Variants in SHANK2 observed in about 807,000 individuals in gnomAD.
SHANK2 encodes the protein SH3 and multiple ankyrin repeat domains protein 2.
Under a neutral mutation model 133.7 loss-of-function variants are expected in SHANK2, and 43 were observed. That is an observed-to-expected ratio of 0.32 (90% CI 0.25 to 0.41). SHANK2 has a LOEUF of 0.41. SHANK2 is among the 10% of genes least tolerant of loss of function. The probability of loss-of-function intolerance (pLI) is 1.00; values close to 1 mark genes in which losing one functional copy is unlikely to be tolerated. For synonymous variants in SHANK2, 1,017 were observed against 952.8 expected, an observed-to-expected ratio of 1.07 and a Z score of -1.24; for missense variants, 1,994 against 2,235.8, an observed-to-expected ratio of 0.89 and a Z score of 2.18.
chr11:70,678,098 A>G (rs1451812088), intron 15 of SHANK2, among the ~76,000 whole-genome samples: 6 of 152,056 alleles, frequency 3.9e-5, no homozygotes, highest in African/African-American at 1.4e-4. Flanking sequence ...CCCATTCTCC[A>G]GGACTTCCTG....
At chr11:70,478,100 A>C (rs545256076) in intron 25 of SHANK2, among the ~76,000 whole-genome samples, 26 of 152,326 alleles carry the variant, frequency 1.7e-4, no homozygotes, top group African/African-American at 6.3e-4. Context: ...CTCTTATTTC[A>C]TCAGTCAGTA....
At chr11:70,665,495 A>G (rs1944662591) in intron 15 of SHANK2, among the ~76,000 whole-genome samples, 1 of 152,116 alleles carries the variant, frequency 6.6e-6, no homozygotes, top group African/African-American at 2.4e-5. Context: ...TTGCCCCAAG[A>G]CTGTAATGGC....
intron 2 of SHANK2, among the ~76,000 whole-genome samples, chr11:71,184,555 CA>C (rs1953633864): frequency 6.6e-6 from 1 of 152,170 alleles, no homozygotes; most frequent in South Asian, 2.1e-4. Flanking sequence ...TGTAGAACTG[CA>C]GGTGCCCACG....
chr11:70,711,721 C>T (rs946037354), intron 14 of SHANK2, among the ~76,000 whole-genome samples: 6 of 152,244 alleles, frequency 3.9e-5, no homozygotes, highest in Non-Finnish European at 8.8e-5. Context: ...AACTGAGAGG[C>T]ACAGAGCTTT....
intron 12 of SHANK2, among the ~76,000 whole-genome samples, chr11:70,817,803 C>G (rs180674683): frequency 6.6e-6 from 1 of 152,224 alleles, no homozygotes; most frequent in East Asian, 1.9e-4. Flanking sequence ...GGTGCCATCT[C>G]AGCTCACTGC....
chr11:70,631,851 C>T (rs1555002324), intron 17 of SHANK2: 2 of 152,272 alleles, frequency 1.3e-5, no homozygotes, highest in Non-Finnish European at 2.9e-5. Context: ...GTAATTGGAT[C>T]ACGCCCGGCC....
intron 14 of SHANK2, among the ~76,000 whole-genome samples, chr11:70,734,997 G>A (rs1484327780): frequency 3.3e-5 from 5 of 152,194 alleles, no homozygotes; most frequent in African/African-American, 7.2e-5. Flanking sequence ...AGGCCTCGGC[G>A]GCTGTAGCAC....
chr11:70,873,066 G>A (rs577272214), intron 11 of SHANK2: 17 of 471,356 alleles, frequency 3.6e-5, no homozygotes, highest in African/African-American at 1.2e-4. Flanking sequence ...TCTGCCTCCC[G>A]GGTGGCGACC....
intron 3 of SHANK2, among the ~76,000 whole-genome samples, chr11:71,140,980 T>G (rs1455555681): frequency 1.3e-5 from 2 of 152,222 alleles, no homozygotes; most frequent in Non-Finnish European, 2.9e-5. Context: ...CAAGGCTGGG[T>G]GTCCCCAGGA....
intron 2 of SHANK2, among the ~76,000 whole-genome samples, chr11:71,215,171 C>T (rs1417394396): frequency 1.3e-5 from 2 of 152,160 alleles, no homozygotes; most frequent in African/African-American, 2.4e-5. Flanking sequence ...TAATGCCATC[C>T]GAGTGCTGGA....
At chr11:70,741,532 A>T (rs978039002) in intron 14 of SHANK2, among the ~76,000 whole-genome samples, 2 of 152,058 alleles carry the variant, frequency 1.3e-5, no homozygotes, top group African/African-American at 2.4e-5. Context: ...CTCACTGAGT[A>T]CCTACCAGGT....
chr11:70,932,170 C>T (rs1555082601), intron 10 of SHANK2, among the ~76,000 whole-genome samples: 1 of 152,246 alleles, frequency 6.6e-6, no homozygotes, highest in African/African-American at 2.4e-5. Flanking sequence ...AGTGTTGCTT[C>T]TGCCTTAGCC....
At chr11:71,125,118 C>T (rs1952158028) in intron 3 of SHANK2, among the ~76,000 whole-genome samples, 2 of 152,148 alleles carry the variant, frequency 1.3e-5, no homozygotes, top group South Asian at 2.1e-4. Context: ...CTCTCCCTCT[C>T]CTTGGGCCTC....
intron 3 of SHANK2, among the ~76,000 whole-genome samples, chr11:71,142,976 G>A (rs1327988218): frequency 6.6e-6 from 1 of 152,218 alleles, no homozygotes; most frequent in Non-Finnish European, 1.5e-5. Context: ...GCTCAGGCCT[G>A]TAATCCCAGC....
intron 11 of SHANK2, among the ~76,000 whole-genome samples, chr11:70,895,067 A>C (rs1555075390): frequency 6.6e-6 from 1 of 152,224 alleles, no homozygotes; most frequent in Non-Finnish European, 1.5e-5. Context: ...CCTGGATCTC[A>C]GAGCAATTAA....
At chr11:70,627,972 T>G (rs2060926928) in intron 17 of SHANK2, among the ~76,000 whole-genome samples, 1 of 152,196 alleles carries the variant, frequency 6.6e-6, no homozygotes, top group Admixed American at 6.5e-5. Flanking sequence ...TTTTTTGTTT[T>G]TTTTTGAAAC....
At chr11:70,653,129 C>T (rs1277452278) in intron 17 of SHANK2, among the ~76,000 whole-genome samples, 1 of 152,044 alleles carries the variant, frequency 6.6e-6, no homozygotes, top group Non-Finnish European at 1.5e-5. Context: ...CCCACCACCA[C>T]ACCCGGCTAA....
At chr11:70,902,422 C>T (rs1219365608) in intron 10 of SHANK2, among the ~76,000 whole-genome samples, 2 of 152,226 alleles carry the variant, frequency 1.3e-5, no homozygotes, top group Non-Finnish European at 2.9e-5. Context: ...AGTGTGCGGC[C>T]GAGGTCCCAG....
chr11:70,874,433 C>G (rs530723844), intron 11 of SHANK2, among the ~76,000 whole-genome samples: 1 of 152,270 alleles, frequency 6.6e-6, no homozygotes, highest in Admixed American at 6.5e-5. Flanking sequence ...GCCTACAACT[C>G]CTGAACTCAA....
Sources: allele counts gnomAD v4.1 joint callset (sites outside exome capture counted in the v4.1 genomes callset), GRCh38; gene constraint gnomAD v4.1.1; transcripts MANE v1.5; gene names NCBI Gene and HGNC (gene_info 2026-07-23, HGNC 2026-07-21).